Variants in FBXO32 observed in about 807,000 individuals in gnomAD.
FBXO32 encodes F-box only protein 32.
Under a neutral mutation model 48.3 loss-of-function variants are expected in FBXO32, and 15 were observed. The observed-to-expected ratio is 0.31, with a 90% CI of 0.21 to 0.48. The LOEUF (loss-of-function observed/expected upper bound fraction) is 0.48, where lower values mean the gene tolerates loss of function less well. Ranked by LOEUF, FBXO32 falls within the 20% of genes least tolerant of loss-of-function variation. The probability of loss-of-function intolerance (pLI) is 0.99; values close to 1 mark genes in which losing one functional copy is unlikely to be tolerated. For missense variants in FBXO32, 309 were observed against 432.7 expected, an observed-to-expected ratio of 0.71 and a Z score of 2.54; for synonymous variants, 154 against 165.9, an observed-to-expected ratio of 0.93 and a Z score of 0.55.
In FBXO32 at chr8:123,513,362, T is replaced by C; in HGVS notation, c.487A>G (p.Ile163Val). The C allele has an allele frequency of 6.2e-7, 1 of 1,614,058 alleles. No individual in the cohort carries two copies. Among genetic ancestry groups the C allele is most frequent in the African/African-American group, 1.3e-5 (1 of 75,036 alleles). ...TGGAGTAGTTCCCTTATTAGTCTAATGTTTTGCTGGTCTTCAAGGACTTGA... is the reference window on the plus strand; with the variant it reads ...TGGAGTAGTTCCCTTATTAGTCTAACGTTTTGCTGGTCTTCAAGGACTTGA... ...VLKVLEDQQNIRLIRELLQTL... is the reference protein window; with the variant it reads ...VLKVLEDQQNVRLIRELLQTL... The change falls in exon 6 of 9, where the codon ATT becomes GTT. Residue 163 changes from isoleucine to valine, a missense_variant. Transcript: ENST00000517956. This position sits in a 1 kb window ranked among gnomAD's most constrained non-coding sequence, Gnocchi z 4.3.
At chr8:123,507,438 G>GGTGTGTGTGTGT (rs200031056) in intron 6 of FBXO32, among the ~76,000 whole-genome samples, 106 of 139,882 alleles carry the variant, frequency 7.6e-4, no homozygotes, top group East Asian at 3.1e-3. Context: ...TCTGTGCTAG[G>GGTGTGTGTGTGT]GTGTGTGTGT....
intron 6 of FBXO32, among the ~76,000 whole-genome samples, chr8:123,509,912 C>T (rs757771525): frequency 3.7e-4 from 56 of 152,244 alleles, no homozygotes; most frequent in Non-Finnish European, 6.3e-4. Context: ...AAGCATGAGG[C>T]ATCAGCCAAA....
At chr8:123,519,475 C>T (rs903249206) in intron 4 of FBXO32, among the ~76,000 whole-genome samples, 30 of 144,910 alleles carry the variant, frequency 2.1e-4, no homozygotes, top group Non-Finnish European at 3.9e-4. Flanking sequence ...GGCGTGAACC[C>T]GGGAGGCAGA....
At chr8:123,533,625 T>C (rs1277027473) in intron 2 of FBXO32, among the ~76,000 whole-genome samples, 1 of 152,076 alleles carries the variant, frequency 6.6e-6, no homozygotes, top group African/African-American at 2.4e-5. Context: ...CTGGCCAACA[T>C]GGTGAAACCC....
At chr8:123,520,928 A>T (rs1290862363) in intron 4 of FBXO32, among the ~76,000 whole-genome samples, 2 of 152,150 alleles carry the variant, frequency 1.3e-5, no homozygotes, top group Non-Finnish European at 2.9e-5. Context: ...CGAATAGGCC[A>T]AGCTTATTCT....
chr8:123,521,215 AC>A (rs1563923395), intron 4 of FBXO32, among the ~76,000 whole-genome samples: 1 of 150,940 alleles, frequency 6.6e-6, no homozygotes, highest in Non-Finnish European at 1.5e-5. Flanking sequence ...TTCCCACTCT[AC>A]CCCCAGCTTG....
rs1205180152 is a variant in FBXO32, at chr8:123,513,887, T to C, written c.466+353A>G. Among the ~76,000 whole-genome samples the C allele has an allele frequency of 6.6e-6, 1 of 152,192 alleles. No homozygotes were observed. Among genetic ancestry groups the C allele is most frequent in the Non-Finnish European group, 1.5e-5 (1 of 68,026 alleles). ...AAGGTTCCTTCTAGCTCGAATAGTC[T>C]ACGAATCTATTCTGACTTTGTACAC... is the stretch of plus-strand genomic sequence containing the variant. On this transcript the variant is annotated intron_variant, in intron 5 of 8. Transcript: ENST00000517956. The surrounding 1 kb of genome is among the most constrained non-coding windows in gnomAD (Gnocchi z 4.3).
At chr8:123,522,969 G>A (rs975648499) in intron 4 of FBXO32, among the ~76,000 whole-genome samples, 2 of 152,190 alleles carry the variant, frequency 1.3e-5, no homozygotes, top group African/African-American at 4.8e-5. Context: ...GGCAACACTA[G>A]GTGCTTGGGC....
intron 4 of FBXO32, among the ~76,000 whole-genome samples, chr8:123,526,435 C>T (rs1162673358): frequency 6.6e-6 from 1 of 152,094 alleles, no homozygotes; most frequent in Non-Finnish European, 1.5e-5. Context: ...CCATGTTGGA[C>T]AGGCTGGTCT....
At chr8:123,522,275 G>C (rs565781702) in intron 4 of FBXO32, among the ~76,000 whole-genome samples, 1 of 147,410 alleles carries the variant, frequency 6.8e-6, no homozygotes, top group East Asian at 2.0e-4. Context: ...AGTAGTGTGA[G>C]CTGGCTCACT....
At chr8:123,531,752 G>T in intron 4 of FBXO32, 146 bp downstream of exon 4, 1 of 882,030 alleles carries the variant, frequency 1.1e-6, no homozygotes, top group Non-Finnish European at 1.7e-6. Flanking sequence ...GGGGAAGAAG[G>T]AGATTGAGGG....
chr8:123,533,950 G>A (rs141541484), intron 2 of FBXO32, among the ~76,000 whole-genome samples: 6,083 of 151,680 alleles, frequency 0.04, 162 homozygotes, highest in Non-Finnish European at 0.059. Context: ...AAAATTAGCC[G>A]GGTATGGTGG....
chr8:123,531,264 G>T (rs1162624848), intron 4 of FBXO32, among the ~76,000 whole-genome samples: 1 of 152,184 alleles, frequency 6.6e-6, no homozygotes, highest in Non-Finnish European at 1.5e-5. Flanking sequence ...TTACAGGTGT[G>T]AGCCACCGCA....
rs192268666 is a variant in FBXO32, at chr8:123,498,507, C to A, written c.*4866G>T. 6.6e-6 allele frequency: 1 copy of A among 152,290 alleles called. No homozygotes were observed. Among genetic ancestry groups the A allele is most frequent in the African/African-American group, 2.4e-5 (1 of 41,552 alleles). The allele number at this position is 152,290 out of a possible 1,614,324, so 9.4% of individuals were successfully genotyped here. On this transcript the variant is annotated 3_prime_UTR_variant, in exon 9 of 9. Coordinates refer to ENST00000517956, the MANE Select transcript of FBXO32 (RefSeq NM_058229.4). ...GCAGACAAAGTCATGAATATCATGG[C>A]CCCTTGCTCCTGGCTGCCTCATGGA...
At chr8:123,530,273 T>C (rs901450446) in intron 4 of FBXO32, among the ~76,000 whole-genome samples, 1 of 152,166 alleles carries the variant, frequency 6.6e-6, no homozygotes, top group Non-Finnish European at 1.5e-5. Context: ...TCTGCCCAGA[T>C]GACAGGTGAA....
chr8:123,508,661 G>T (rs1816677870), intron 6 of FBXO32, among the ~76,000 whole-genome samples: 1 of 152,172 alleles, frequency 6.6e-6, no homozygotes, highest in Non-Finnish European at 1.5e-5. Flanking sequence ...AACCGCAGAA[G>T]GCCCTAGACC....
chr8:123,510,753 C>T (rs543522824), intron 6 of FBXO32, among the ~76,000 whole-genome samples: 2 of 152,346 alleles, frequency 1.3e-5, no homozygotes, highest in East Asian at 3.9e-4. Context: ...ATTCATTCAG[C>T]TCAGATTTAC....
Position 123,523,074 on chromosome 8 carries a change from G to A in FBXO32, c.373-8741C>T, listed in dbSNP as rs560643014. ...TAGAAGGAGGATGCCATCAATTACC[G>A]CTCCTTGCCATCAGAGACCTCTTCC... is the stretch of plus-strand genomic sequence containing the variant. On this transcript the variant is annotated intron_variant, in intron 4 of 8. Coordinates refer to ENST00000517956, the MANE Select transcript of FBXO32 (RefSeq NM_058229.4). 1.1e-4 allele frequency among the ~76,000 whole-genome samples: 16 copies of A among 152,242 alleles called. No homozygotes were observed. In the South Asian group the frequency reaches 2.5e-3, roughly 24 times the overall value.
intron 4 of FBXO32, among the ~76,000 whole-genome samples, chr8:123,518,826 C>CT (rs11347407): frequency 3.7e-4 from 55 of 148,936 alleles, no homozygotes; most frequent in Admixed American, 9.4e-4. Flanking sequence ...AACACATTTT[C>CT]TTTTTTTTTT....
Sources: gnomAD v4.1 joint callset for allele counts (sites outside exome capture counted in the v4.1 genomes callset) on GRCh38, gnomAD v4.1.1 for gene constraint, Gnocchi (gnomAD v3.1) non-coding constraint, MANE v1.5 for transcripts, NCBI Gene and HGNC (gene_info 2026-07-23, HGNC 2026-07-21) for gene names.